Variants in LRPPRC observed in about 807,000 individuals in gnomAD.
LRPPRC encodes the protein leucine rich pentatricopeptide repeat containing.
In LRPPRC, 120 loss-of-function variants were observed where a neutral mutation model predicts 180.3. The ratio of observed to expected loss-of-function variants is 0.67; its 90% CI spans 0.57 to 0.77. The LOEUF is 0.77. Ranked by LOEUF, LRPPRC falls within the 30% of genes least tolerant of loss-of-function variation. The pLI is 0.00. For missense variants in LRPPRC, 2,012 were observed against 1,657.2 expected (o/e 1.21, Z -3.72); for synonymous variants, 723 against 600.0 (o/e 1.21, Z -3.00).
intron 34 of LRPPRC, among the ~76,000 whole-genome samples, chr2:43,898,064 T>A: frequency 1.2e-5 from 1 of 82,752 alleles, no homozygotes; most frequent in Non-Finnish European, 2.0e-5. Context: ...TGCCTTTTCC[T>A]TAAAATTAAA....
intron 22 of LRPPRC, 31 bp from the exon 23 acceptor site, chr2:43,943,925 G>T (rs776460726): frequency 2.0e-6 from 3 of 1,500,410 alleles, no homozygotes; most frequent in Non-Finnish European, 2.8e-6. Context: ...AGACCCTTAG[G>T]TAATTTCATG....
At chr2:43,893,596 C>T (rs1037965140) in intron 36 of LRPPRC, among the ~76,000 whole-genome samples, 5 of 152,242 alleles carry the variant, frequency 3.3e-5, no homozygotes, top group African/African-American at 7.2e-5. Context: ...TGCTATTGCA[C>T]ACTTAATACA....
intron 27 of LRPPRC, 107 bp downstream of exon 27, chr2:43,924,960 A>C: frequency 1.3e-6 from 1 of 760,530 alleles, no homozygotes; most frequent in Admixed American, 1.8e-5. Context: ...GTTGAATGAA[A>C]ACTGCCTTCT....
Position 43,948,412 on chromosome 2 carries a change from C to T in LRPPRC, c.1842G>A (p.Met614Ile), listed in dbSNP as rs758667330. The change falls in exon 17 of 38, where the codon ATG becomes ATA. Residue 614 changes from methionine to isoleucine, a missense_variant and splice_region_variant. Coordinates refer to ENST00000260665, the MANE Select transcript of LRPPRC (RefSeq NM_133259.4). ...TATATAGCAAAAAACGAAATGGTAC[C>T]ATCTTCTCCAGCTGATGGAAGTATT... ...LRQYFHQLEK[M>I]NVKIPENIYR... 6 of 1,598,582 alleles carry T rather than the reference C, an allele frequency of 3.8e-6. No homozygotes were observed. Among genetic ancestry groups the T allele is most frequent in the Non-Finnish European group, 4.3e-6 (5 of 1,166,022 alleles).
intron 27 of LRPPRC, among the ~76,000 whole-genome samples, chr2:43,923,000 C>A (rs1021111277): frequency 1.3e-5 from 2 of 152,250 alleles, no homozygotes; most frequent in African/African-American, 4.8e-5. Context: ...TAACCACACT[C>A]TGCCAACCTC....
At chr2:43,931,850 T>C (rs765861217) in intron 25 of LRPPRC, among the ~76,000 whole-genome samples, 5 of 152,086 alleles carry the variant, frequency 3.3e-5, no homozygotes, top group Admixed American at 6.6e-5. Flanking sequence ...AGGTGATTGA[T>C]AGCATTTGCA....
At position 43,973,596 on chromosome 2, in the gene LRPPRC, C is replaced by A. The variant is rs1421946685; in HGVS notation, c.1369+11G>T. 1 of 1,588,676 alleles carries A rather than the reference C, an allele frequency of 6.3e-7. No individual in the cohort carries two copies. The highest frequency in any genetic ancestry group is 1.3e-5 in the African/African-American group (1 of 74,542). ...GGAACCATTACAAATCGGTAAAAGG[C>A]AAAATCTAACCTTGAACATTTTTTT... On this transcript the variant is annotated intron_variant, in intron 11 of 37. Coordinates refer to ENST00000260665, the MANE Select transcript of LRPPRC (RefSeq NM_133259.4).
At chr2:43,919,774 G>A (rs754990031) in intron 27 of LRPPRC, among the ~76,000 whole-genome samples, 1 of 151,986 alleles carries the variant, frequency 6.6e-6, no homozygotes, top group Non-Finnish European at 1.5e-5. Context: ...ATTATTAAAT[G>A]CACAGAAAAA....
chr2:43,980,698 G>A (rs1253925328), intron 2 of LRPPRC, among the ~76,000 whole-genome samples: 2 of 152,122 alleles, frequency 1.3e-5, no homozygotes, highest in African/African-American at 4.8e-5. Flanking sequence ...CCCTATATCT[G>A]TAAGCTTTAT....
chr2:43,889,730 TCA>T lies in LRPPRC; in HGVS notation c.4128+2_4128+3del, dbSNP rs1392437165. On this transcript the variant is annotated splice_donor_variant and splice_donor_region_variant and intron_variant, in intron 37 of 37. Coordinates refer to ENST00000260665, the MANE Select transcript of LRPPRC (RefSeq NM_133259.4). LOFTEE classifies it high-confidence loss of function. The stretch of plus-strand genomic sequence containing the variant: ...TTTTTTCCCCTTAATTAAGAAATAC[TCA>T]CAGGGGGTTCAATGAAAGGGACAGG... 2 of 1,609,506 alleles carry T rather than the reference TCA, an allele frequency of 1.2e-6. No individual in the cohort carries two copies. The highest frequency in any genetic ancestry group is 2.7e-5 in the African/African-American group (2 of 74,828).
chr2:43,905,930 A>T (rs965602445), intron 30 of LRPPRC, 150 bp from the exon 31 acceptor site: 74 of 690,632 alleles, frequency 1.1e-4, no homozygotes, highest in Non-Finnish European at 1.9e-4. Context: ...CTTTTGTGTT[A>T]TCCTGTCAAT....
chr2:43,947,031 GT>G (rs1200075681), intron 20 of LRPPRC, among the ~76,000 whole-genome samples: 4 of 152,064 alleles, frequency 2.6e-5, no homozygotes, highest in African/African-American at 9.7e-5. Flanking sequence ...TATCACAGCT[GT>G]TACTATCATT....
chr2:43,973,222 C>T (rs2103708774), intron 11 of LRPPRC, among the ~76,000 whole-genome samples: 1 of 152,160 alleles, frequency 6.6e-6, no homozygotes. Flanking sequence ...AAGAAAATGA[C>T]CATACTTTTT....
At chr2:43,987,292 G>C (rs990017214) in intron 1 of LRPPRC, among the ~76,000 whole-genome samples, 1 of 152,056 alleles carries the variant, frequency 6.6e-6, no homozygotes, top group Non-Finnish European at 1.5e-5. Context: ...TCAGGAGATT[G>C]AGACCATCCT....
At chr2:43,927,560 C>T (rs1291804636) in intron 25 of LRPPRC, among the ~76,000 whole-genome samples, 2 of 152,170 alleles carry the variant, frequency 1.3e-5, no homozygotes, top group South Asian at 2.1e-4. Context: ...ACGCATAATA[C>T]TGAAAATGAA....
chr2:43,918,232 T>A (rs764676229), intron 28 of LRPPRC, 24 bp downstream of exon 28: 14 of 1,611,612 alleles, frequency 8.7e-6, no homozygotes. Context: ...CAAAATCTGT[T>A]ACGATTATGC....
chr2:43,918,853 A>ATATATATATC (rs1671589453), intron 27 of LRPPRC, among the ~76,000 whole-genome samples: 1 of 148,222 alleles, frequency 6.7e-6, no homozygotes, highest in African/African-American at 2.5e-5. Context: ...ATATAGAGAT[A>ATATATATATC]TATATATAGA....
chr2:43,990,742 T>C (rs780508754), intron 1 of LRPPRC, among the ~76,000 whole-genome samples: 2 of 152,212 alleles, frequency 1.3e-5, no homozygotes, highest in African/African-American at 2.4e-5. Flanking sequence ...CGTCTAATAG[T>C]TGTACATGTG....
chr2:43,918,441 A>G (rs753765498), intron 27 of LRPPRC, 43 bp from the exon 28 acceptor site: 3 of 1,334,072 alleles, frequency 2.2e-6, no homozygotes, highest in Admixed American at 1.7e-5. Flanking sequence ...TAAATATGCT[A>G]AACAGAATAC....
Sources: allele counts gnomAD v4.1 joint callset (sites outside exome capture counted in the v4.1 genomes callset), GRCh38; gene constraint gnomAD v4.1.1; transcripts MANE v1.5; gene names NCBI Gene and HGNC (gene_info 2026-07-23, HGNC 2026-07-21).